XIST: variants seen among roughly 807,000 people sequenced by gnomAD.
The protein encoded by XIST is X inactive specific transcript (non-protein coding).
exon 6 of XIST, chrX:73,825,442 AT>A (rs746520546): frequency 5.6e-6 from 3 of 538,601 alleles, no homozygotes; most frequent in East Asian, 3.3e-5. Context: ...CACATTCACT[AT>A]TTTTTTTCAG....
chrX:73,848,825 G>A (rs186759648), exon 1 of XIST: 1 of 556,557 alleles, frequency 1.8e-6, no homozygotes, highest in East Asian at 3.3e-5. Context: ...CTAATGAGTG[G>A]GACTATGGGC....
intron 2 of XIST, among the ~76,000 whole-genome samples, chrX:73,834,461 T>G (rs1437464745): frequency 8.9e-6 from 1 of 112,625 alleles, no homozygotes. Context: ...AATGGTTACA[T>G]TTTGGAACTG....
exon 6 of XIST, chrX:73,822,332 G>A (rs774635190): frequency 7.2e-6 from 4 of 552,434 alleles, no homozygotes; most frequent in Non-Finnish European, 1.3e-5. Context: ...GAGATACGGA[G>A]TAGGAATTAA....
At chrX:73,824,774 C>T (rs1179890092) in exon 6 of XIST, 1 of 558,436 alleles carries the variant, frequency 1.8e-6, no homozygotes, top group African/African-American at 2.2e-5. Context: ...CTAGCTCTTT[C>T]CTGGTTACCT....
exon 1 of XIST, chrX:73,850,710 GGGTGGGGA>G (rs1569512868): frequency 1.2e-5 from 3 of 258,473 alleles, no homozygotes; most frequent in Non-Finnish European, 2.1e-5. Context: ...GGGGGTAGGG[GGGTGGGGA>G]GGTGGGGGGT....
chrX:73,834,985 C>T (rs1177921627), intron 2 of XIST, among the ~76,000 whole-genome samples: 7 of 102,191 alleles, frequency 6.8e-5, no homozygotes, highest in African/African-American at 2.7e-4. Context: ...AAGAGCAAAA[C>T]TCCGTCTCAA....
chrX:73,848,508 T>C (rs1569512734), exon 1 of XIST: 4 of 557,859 alleles, frequency 7.2e-6, no homozygotes, highest in Middle Eastern at 6.2e-4. Context: ...CAAATACAAT[T>C]ATGAACATCA....
At chrX:73,850,332 A>T (rs1159947919) in exon 1 of XIST, 2 of 544,745 alleles carry the variant, frequency 3.7e-6, no homozygotes, top group Admixed American at 2.4e-5. Flanking sequence ...AGGAATTTTA[A>T]GGAACTCAAA....
At chrX:73,846,295 G>C in exon 1 of XIST, 1 of 557,930 alleles carries the variant, frequency 1.8e-6, no homozygotes, top group Non-Finnish European at 3.2e-6. Flanking sequence ...CCATGTCTAA[G>C]GTGCATGGTT....
At chrX:73,823,513 C>A (rs1295495715) in exon 6 of XIST, 4 of 543,713 alleles carry the variant, frequency 7.4e-6, no homozygotes, top group Non-Finnish European at 1.3e-5. Context: ...ATGGTATATT[C>A]CACATAAAAG....
exon 1 of XIST, chrX:73,841,741 C>G (rs751541517): frequency 2.0e-5 from 10 of 504,287 alleles, no homozygotes; most frequent in Non-Finnish European, 7.1e-6. Flanking sequence ...TGTGGTACTT[C>G]AAACTACTTC....
In XIST at chrX:73,838,491, A is replaced by G. The variant is rs1922526045; in HGVS notation, n.11343-988T>C. Among the ~76,000 whole-genome samples, 3 of 111,226 alleles carry G rather than the reference A, an allele frequency of 2.7e-5. No individual in the cohort carries two copies. In the South Asian group the frequency reaches 1.1e-3, roughly 42 times the overall value. On this transcript the variant is annotated intron_variant and non_coding_transcript_variant, in intron 1 of 5. Coordinates refer to ENST00000429829, the Ensembl canonical transcript of XIST. ...TTTTGTTTCAGTTTCTCATCCTAACATGAAAAAAAATAATCAAAAGTTATT... is the reference window on the plus strand; with the variant it reads ...TTTTGTTTCAGTTTCTCATCCTAACGTGAAAAAAAATAATCAAAAGTTATT...
exon 6 of XIST, chrX:73,821,009 T>C: frequency 1.8e-6 from 1 of 559,237 alleles, no homozygotes; most frequent in Admixed American, 2.2e-5. Flanking sequence ...GTTTAATCAG[T>C]AGTGGTAGTG....
chrX:73,821,654 G>A lies in XIST; in HGVS notation n.18247C>T, dbSNP rs373575204. On this transcript the variant is annotated non_coding_transcript_exon_variant, in exon 6 of 6. Coordinates refer to ENST00000429829, the Ensembl canonical transcript of XIST. ...ACAAAGGCAGGTTGCCCTTAAAACA[G>A]GTTTGACCTTTTCCTTCACTCTTCC... The A allele has an allele frequency of 8.0e-5, 44 of 552,153 alleles. No individual in the cohort carries two copies. The African/African-American group carries it at 9.6e-4, about 12-fold the overall frequency. 45.5% of individuals were successfully genotyped at this position (552,153 alleles called of 1,213,427 possible). A position where few individuals can be genotyped will look rare whatever the true frequency, so the allele number is the denominator to read the frequency against.
At position 73,820,918 on chromosome X, in the gene XIST, G is replaced by T. The variant is rs780757156; in HGVS notation, n.18983C>A. The T allele has an allele frequency of 3.2e-5, 18 of 557,846 alleles. No homozygotes were observed. In the East Asian group the frequency reaches 5.5e-4, roughly 17 times the overall value. The allele number at this position is 557,846 out of a possible 1,213,427, so 46.0% of individuals were successfully genotyped here. A position where few individuals can be genotyped will look rare whatever the true frequency, so the allele number is the denominator to read the frequency against. ...ATGACGAAGCCACTTAATTCCTTGT[G>T]TCTGCATAAAAGCAGATTTATTCAT... On this transcript the variant is annotated non_coding_transcript_exon_variant, in exon 6 of 6. Transcript: ENST00000429829.
At chrX:73,824,644 T>G (rs755156522) in exon 6 of XIST, 22 of 554,216 alleles carry the variant, frequency 4.0e-5, no homozygotes, top group Non-Finnish European at 1.3e-5. Context: ...AAAGTTTTAT[T>G]CATACAGAAA....
chrX:73,825,645 G>GT (rs1250618281), exon 6 of XIST: 4 of 512,611 alleles, frequency 7.8e-6, no homozygotes, highest in Non-Finnish European at 1.0e-5. Context: ...TAAAAACGTT[G>GT]TTTAAAAAAC....
intron 2 of XIST, among the ~76,000 whole-genome samples, chrX:73,835,084 T>C (rs765211934): frequency 4.5e-5 from 5 of 111,192 alleles, no homozygotes; most frequent in Non-Finnish European, 9.4e-5. Context: ...GTTACACAAA[T>C]AGAAGGTAAC....
At position 73,841,525 on chromosome X, in the gene XIST, T is replaced by A. The variant is rs776067915; in HGVS notation, n.11199A>T. 8 of 558,651 alleles carry A rather than the reference T, an allele frequency of 1.4e-5. No individual in the cohort carries two copies. In the South Asian group the frequency reaches 1.8e-4, roughly 12 times the overall value. The allele number at this position is 558,651 out of a possible 1,213,427, so 46.0% of individuals were successfully genotyped here. A position where few individuals can be genotyped will look rare whatever the true frequency, so the allele number is the denominator to read the frequency against. On this transcript the variant is annotated non_coding_transcript_exon_variant, in exon 1 of 6. Coordinates refer to ENST00000429829, the Ensembl canonical transcript of XIST. ...CAGTTATTACAAAGAACTGCTGTTGTGATGACTAGTTATTTGCTTGAGCAG... is the reference window on the plus strand; with the variant it reads ...CAGTTATTACAAAGAACTGCTGTTGAGATGACTAGTTATTTGCTTGAGCAG...
Sources: allele counts gnomAD v4.1 joint callset (sites outside exome capture counted in the v4.1 genomes callset), GRCh38; gene constraint gnomAD v4.1.1; transcripts MANE v1.5; gene names NCBI Gene and HGNC (gene_info 2026-07-23, HGNC 2026-07-21).